Variants in USP12 observed in about 807,000 individuals in gnomAD.
The protein encoded by USP12 is ubiquitin carboxyl-terminal hydrolase 12.
Under a neutral mutation model 45.5 loss-of-function variants are expected in USP12, and 19 were observed. The ratio of observed to expected loss-of-function variants is 0.42; its 90% CI spans 0.29 to 0.61. USP12 has a LOEUF of 0.61. Ranked by LOEUF, USP12 falls within the 20% of genes least tolerant of loss-of-function variation. The pLI is 0.22. For missense variants in USP12, 242 were observed against 447.7 expected, an observed-to-expected ratio of 0.54 and a Z score of 4.15; for synonymous variants, 149 against 148.8, an observed-to-expected ratio of 1.00 and a Z score of -0.01.
In USP12 at chr13:27,071,160, CGAA is replaced by C. The variant is rs757623249; in HGVS notation, c.933-14_933-12del. ...CCTCGATTGGGACCACTAAAACAAA[CGAA>C]GAAGAAGTTAATTCAATATATTTAT... On this transcript the variant is annotated splice_polypyrimidine_tract_variant and intron_variant, in intron 7 of 8. Coordinates refer to ENST00000282344, the MANE Select transcript of USP12 (RefSeq NM_182488.4). 7.0e-6 allele frequency: 11 copies of C among 1,582,440 alleles called. No individual in the cohort carries two copies. The highest frequency in any genetic ancestry group is 8.6e-6 in the Non-Finnish European group (10 of 1,168,008).
At chr13:27,142,887 G>A (rs546080636) in intron 1 of USP12, among the ~76,000 whole-genome samples, 2 of 152,294 alleles carry the variant, frequency 1.3e-5, no homozygotes, top group East Asian at 3.9e-4. Flanking sequence ...GAGGTCAGGA[G>A]ATCGAGACCA....
chr13:27,098,485 CAATT>C (rs1874704229), intron 3 of USP12, among the ~76,000 whole-genome samples: 1 of 151,874 alleles, frequency 6.6e-6, no homozygotes, highest in South Asian at 2.1e-4. Context: ...TGGGAAATAA[CAATT>C]AAAACAATGA....
At chr13:27,126,735 A>G (rs1424963005) in intron 1 of USP12, among the ~76,000 whole-genome samples, 2 of 152,216 alleles carry the variant, frequency 1.3e-5, no homozygotes, top group Non-Finnish European at 2.9e-5. Context: ...ATTCTAAAAT[A>G]GCAGCACTAC....
chr13:27,143,420 G>T (rs1438408564), intron 1 of USP12, among the ~76,000 whole-genome samples: 1 of 152,092 alleles, frequency 6.6e-6, no homozygotes, highest in Admixed American at 6.6e-5. Context: ...ATGAGAAAAA[G>T]TTCTTCTTTA....
chr13:27,171,738 C>T lies in USP12; in HGVS notation c.-99G>A. ...TCGCACCGCAGCCCGCGGGCGGACC[C>T]CGAGCCGCCGCGGACCCAACCACCG... On this transcript the variant is annotated 5_prime_UTR_variant, in exon 1 of 9. Transcript: ENST00000282344. 1.3e-6 allele frequency: 1 copy of T among 760,734 alleles called. No homozygotes were observed. The highest frequency in any genetic ancestry group is 1.6e-6 in the Non-Finnish European group (1 of 607,530). 47.1% of individuals were successfully genotyped at this position (760,734 alleles called of 1,614,324 possible). A position where few individuals can be genotyped will look rare whatever the true frequency, so the allele number is the denominator to read the frequency against.
At chr13:27,134,256 T>C (rs1876680383) in intron 1 of USP12, among the ~76,000 whole-genome samples, 1 of 152,200 alleles carries the variant, frequency 6.6e-6, no homozygotes, top group African/African-American at 2.4e-5. Context: ...TAGGACAGAA[T>C]TTGGAGAAAG....
rs183220605 is a variant in USP12 at position 27,068,290 on chromosome 13, C to T, written c.*993G>A. On this transcript the variant is annotated 3_prime_UTR_variant, in exon 9 of 9. Coordinates refer to ENST00000282344, the MANE Select transcript of USP12 (RefSeq NM_182488.4). The stretch of plus-strand genomic sequence containing the variant: ...GAATTTTTAATTATTCCAACAACTA[C>T]AGGAATTTTTAAAATAGTTTTTTAA... 1 of 152,194 alleles carries T rather than the reference C, an allele frequency of 6.6e-6. No individual in the cohort carries two copies. Among genetic ancestry groups the T allele is most frequent in the Admixed American group, 6.5e-5 (1 of 15,284 alleles). 9.4% of individuals were successfully genotyped at this position (152,194 alleles called of 1,614,324 possible).
intron 3 of USP12, among the ~76,000 whole-genome samples, chr13:27,096,383 T>C (rs569939155): frequency 2.6e-5 from 4 of 152,352 alleles, no homozygotes; most frequent in Non-Finnish European, 4.4e-5. Flanking sequence ...GAATTATCTA[T>C]ATAATCCAGA....
intron 1 of USP12, among the ~76,000 whole-genome samples, chr13:27,139,450 T>G (rs1217247527): frequency 6.6e-6 from 1 of 152,082 alleles, no homozygotes; most frequent in Non-Finnish European, 1.5e-5. Flanking sequence ...ACCCCATCTC[T>G]ACTAAAAATA....
intron 1 of USP12, among the ~76,000 whole-genome samples, chr13:27,155,238 T>C (rs372243839): frequency 7.5e-4 from 114 of 151,790 alleles, no homozygotes; most frequent in South Asian, 4.0e-3. Flanking sequence ...CGTGCCACCA[T>C]GCCCGGCTAA....
intron 1 of USP12, among the ~76,000 whole-genome samples, chr13:27,130,539 C>A (rs832778): frequency 0.21 from 24,241 of 115,324 alleles, 2,926 homozygotes; most frequent in African/African-American, 0.41. Flanking sequence ...CACACACACA[C>A]AAAAAAAATC....
chr13:27,170,542 A>G (rs7333910), intron 1 of USP12, among the ~76,000 whole-genome samples: 14,151 of 152,292 alleles, frequency 0.093, 883 homozygotes, highest in African/African-American at 0.17. Context: ...CTCATGAGGA[A>G]CTAATGAAAC....
rs1295394608 is a variant in USP12 at position 27,068,767 on chromosome 13, TA to T, written c.*515del. On this transcript the variant is annotated 3_prime_UTR_variant, in exon 9 of 9. Transcript: ENST00000282344. ...TTTGTCTTCCCGACACTGGATTATC[TA>T]GCATGTTAGTTTTTACATCAGGAAG... 3.8e-5 allele frequency: 6 copies of T among 156,988 alleles called. No individual in the cohort carries two copies. Among genetic ancestry groups the T allele is most frequent in the African/African-American group, 1.2e-4 (5 of 41,470 alleles). The allele number at this position is 156,988 out of a possible 1,614,324, so 9.7% of individuals were successfully genotyped here.
intron 1 of USP12, among the ~76,000 whole-genome samples, chr13:27,121,025 T>C (rs2137801287): frequency 1.3e-5 from 2 of 152,116 alleles, no homozygotes; most frequent in Admixed American, 1.3e-4. Flanking sequence ...AATGGAACGG[T>C]ATGCAGGAAA....
At chr13:27,084,554 C>T (rs1873923533) in intron 6 of USP12, among the ~76,000 whole-genome samples, 1 of 149,634 alleles carries the variant, frequency 6.7e-6, no homozygotes, top group Non-Finnish European at 1.5e-5. Context: ...CCATTTTGAG[C>T]TAATTTTTTG....
chr13:27,151,426 G>T (rs1877563131), intron 1 of USP12, among the ~76,000 whole-genome samples: 1 of 152,116 alleles, frequency 6.6e-6, no homozygotes, highest in Admixed American at 6.5e-5. Flanking sequence ...CCCATAGAAT[G>T]GGAGGAAATA....
intron 3 of USP12, among the ~76,000 whole-genome samples, 158 bp from the exon 4 acceptor site, chr13:27,095,988 T>G (rs1874563500): frequency 6.6e-6 from 1 of 152,240 alleles, no homozygotes; most frequent in African/African-American, 2.4e-5. Flanking sequence ...CTAAAACTTT[T>G]ATCTGTATTT....
intron 1 of USP12, among the ~76,000 whole-genome samples, chr13:27,160,621 A>G (rs1878061345): frequency 6.6e-6 from 1 of 152,260 alleles, no homozygotes; most frequent in Non-Finnish European, 1.5e-5. Context: ...TGATGTTTCA[A>G]ATTTGTTCCA....
chr13:27,099,261 T>C (rs1874744074), intron 3 of USP12, among the ~76,000 whole-genome samples: 1 of 152,094 alleles, frequency 6.6e-6, no homozygotes, highest in Non-Finnish European at 1.5e-5. Flanking sequence ...TGTAAGAATG[T>C]ATGCATGTAT....
Sources: allele counts gnomAD v4.1 joint callset (sites outside exome capture counted in the v4.1 genomes callset), GRCh38; gene constraint gnomAD v4.1.1; transcripts MANE v1.5; gene names NCBI Gene and HGNC (gene_info 2026-07-23, HGNC 2026-07-21).